Variants in GPC6 observed in about 807,000 individuals in gnomAD.
GPC6 encodes glypican 6.
Under a neutral mutation model 55.2 loss-of-function variants are expected in GPC6, and 14 were observed. That is an observed-to-expected ratio of 0.25 (90% CI 0.17 to 0.40). The LOEUF is 0.40. Among genes scored for constraint, GPC6 ranks in the 10% least tolerant of loss-of-function variants. The pLI is 1.00. For synonymous variants in GPC6, 278 were observed against 259.6 expected, an observed-to-expected ratio of 1.07 and a Z score of -0.68; for missense variants, 641 against 708.5, an observed-to-expected ratio of 0.90 and a Z score of 1.08.
intron 3 of GPC6, among the ~76,000 whole-genome samples, chr13:93,874,509 T>C (rs540703103): frequency 1.3e-5 from 2 of 151,350 alleles, no homozygotes; most frequent in East Asian, 3.9e-4. Context: ...GCAGTCATGT[T>C]TTAAAGTTAG....
intron 6 of GPC6, among the ~76,000 whole-genome samples, chr13:94,380,866 C>T (rs1050248990): frequency 6.6e-6 from 1 of 152,194 alleles, no homozygotes; most frequent in Non-Finnish European, 1.5e-5. Context: ...TATTCTTCAT[C>T]TGGAAGGACT....
chr13:93,496,900 T>G (rs1292238965), intron 1 of GPC6, among the ~76,000 whole-genome samples: 1 of 152,246 alleles, frequency 6.6e-6, no homozygotes, highest in Non-Finnish European at 1.5e-5. Context: ...AGATTGAGTC[T>G]GCTAGGATGA....
At chr13:94,165,234 A>G (rs61964464) in intron 4 of GPC6, among the ~76,000 whole-genome samples, 17,758 of 147,968 alleles carry the variant, frequency 0.12, 1,179 homozygotes, top group South Asian at 0.14. Context: ...AATACTATTC[A>G]TATATATATG....
intron 2 of GPC6, among the ~76,000 whole-genome samples, chr13:93,748,911 A>G (rs1459944125): frequency 2.0e-5 from 3 of 152,022 alleles, no homozygotes; most frequent in Non-Finnish European, 4.4e-5. Flanking sequence ...TCTGACTTAT[A>G]TCTCATAATA....
At chr13:94,382,346 C>T (rs528272449) in intron 6 of GPC6, 68 bp from the exon 7 acceptor site, 57 of 1,557,644 alleles carry the variant, frequency 3.7e-5, no homozygotes, top group South Asian at 8.9e-5. Context: ...CGCCTGCGTA[C>T]GTCCTTGTGT....
chr13:93,961,654 A>G (rs1879781904), intron 3 of GPC6, among the ~76,000 whole-genome samples: 1 of 152,200 alleles, frequency 6.6e-6, no homozygotes, highest in East Asian at 1.9e-4. Context: ...GATGTCCCAG[A>G]CATTGTTTGT....
chr13:93,536,706 C>T (rs956419591), intron 1 of GPC6, among the ~76,000 whole-genome samples: 2 of 152,182 alleles, frequency 1.3e-5, no homozygotes, highest in African/African-American at 4.8e-5. Flanking sequence ...ACCAATTTCA[C>T]CTATGAACAT....
At chr13:93,844,871 A>G (rs964838558) in intron 3 of GPC6, among the ~76,000 whole-genome samples, 1 of 150,926 alleles carries the variant, frequency 6.6e-6, no homozygotes, top group Non-Finnish European at 1.5e-5. Flanking sequence ...ATGGCTAGCC[A>G]ATTTTCCCAG....
intron 4 of GPC6, among the ~76,000 whole-genome samples, chr13:94,256,606 A>T (rs1289740260): frequency 6.6e-6 from 1 of 152,126 alleles, no homozygotes; most frequent in Non-Finnish European, 1.5e-5. Flanking sequence ...ATTCTCCAGG[A>T]CATCTTTCCT....
chr13:93,722,093 T>C (rs997639704), intron 2 of GPC6, among the ~76,000 whole-genome samples: 3 of 151,718 alleles, frequency 2.0e-5, no homozygotes, highest in African/African-American at 7.3e-5. Flanking sequence ...TAAATAACAT[T>C]GTTTTATGGT....
At position 94,289,152 on chromosome 13, in the gene GPC6, C is replaced by T. The variant is rs142526455; in HGVS notation, c.1008+2673C>T. ...ACATAATGAAGAAAAAAAGGAAATGCACCAGTGAGTGAGCTGCAAACAACT... is the reference window on the plus strand; with the variant it reads ...ACATAATGAAGAAAAAAAGGAAATGTACCAGTGAGTGAGCTGCAAACAACT... On this transcript the variant is annotated intron_variant, in intron 5 of 8. Coordinates refer to ENST00000377047, the MANE Select transcript of GPC6 (RefSeq NM_005708.5). 1.1e-4 allele frequency among the ~76,000 whole-genome samples: 17 copies of T among 151,498 alleles called. 1 individual carries two copies. The East Asian group carries it at 3.3e-3, about 30-fold the overall frequency.
chr13:94,086,777 G>A (rs892583390), intron 4 of GPC6, among the ~76,000 whole-genome samples: 8 of 151,882 alleles, frequency 5.3e-5, no homozygotes, highest in Admixed American at 3.3e-4. Flanking sequence ...CAAAAATCTC[G>A]ATTTTTTAAT....
At chr13:93,946,428 G>A (rs1264879042) in intron 3 of GPC6, among the ~76,000 whole-genome samples, 1 of 151,932 alleles carries the variant, frequency 6.6e-6, no homozygotes, top group Admixed American at 6.6e-5. Context: ...CACCGCTCTC[G>A]CCCCAAACTT....
intron 2 of GPC6, among the ~76,000 whole-genome samples, chr13:93,777,429 T>A (rs1258733923): frequency 1.3e-5 from 2 of 152,220 alleles, no homozygotes; most frequent in African/African-American, 4.8e-5. Context: ...CATTCCAGTG[T>A]GCTCTGACAC....
At chr13:93,732,874 C>A (rs1883877973) in intron 2 of GPC6, among the ~76,000 whole-genome samples, 1 of 152,064 alleles carries the variant, frequency 6.6e-6, no homozygotes, top group African/African-American at 2.4e-5. Context: ...TATATAATAT[C>A]ATTTTTACAT....
chr13:93,709,543 G>C (rs961716675), intron 2 of GPC6, among the ~76,000 whole-genome samples: 17 of 151,796 alleles, frequency 1.1e-4, no homozygotes, highest in African/African-American at 4.1e-4. Context: ...CTCTTGAGAG[G>C]TTTCCATAAT....
In GPC6 at chr13:94,059,847, A is replaced by G. The variant is rs369504173; in HGVS notation, c.877+31953A>G. Among the ~76,000 whole-genome samples, 110 of 151,444 alleles carry G rather than the reference A, an allele frequency of 7.3e-4. 3 individuals carry two copies. The South Asian group carries it at 0.02, about 28-fold the overall frequency. ...ATGACCTAATCCTCCCAAAGGCCCC[A>G]CCTCCTAATACCATCACTTTGGGGT... On this transcript the variant is annotated intron_variant, in intron 4 of 8. Transcript: ENST00000377047.
chr13:93,608,100 T>A (rs1878321909), intron 2 of GPC6, among the ~76,000 whole-genome samples: 1 of 152,202 alleles, frequency 6.6e-6, no homozygotes, highest in Admixed American at 6.5e-5. Flanking sequence ...TGAGCTTGAC[T>A]GATTCCCAAT....
intron 4 of GPC6, among the ~76,000 whole-genome samples, chr13:94,109,282 C>T (rs148535829): frequency 6.6e-6 from 1 of 152,194 alleles, no homozygotes; most frequent in East Asian, 1.9e-4. Context: ...GTAACAATCC[C>T]CAAACCTCAT....
Sources: allele counts gnomAD v4.1 joint callset (sites outside exome capture counted in the v4.1 genomes callset), GRCh38; gene constraint gnomAD v4.1.1; transcripts MANE v1.5; gene names NCBI Gene and HGNC (gene_info 2026-07-23, HGNC 2026-07-21).